The following KCNU1 variants were observed in gnomAD, a reference collection of about 807,000 sequenced individuals.
The protein encoded by KCNU1 is potassium channel subfamily U member 1.
A neutral mutation model predicts 126.8 loss-of-function variants in KCNU1; 93 were observed. The observed-to-expected ratio is 0.73, with a 90% CI of 0.62 to 0.87. The LOEUF is 0.87. Ranked by LOEUF, KCNU1 falls within the 40% of genes least tolerant of loss-of-function variation. The probability of loss-of-function intolerance (pLI) is 0.00; values close to 1 mark genes in which losing one functional copy is unlikely to be tolerated. For missense variants in KCNU1, 1,330 were observed against 1,367.1 expected (o/e 0.97, Z 0.43); for synonymous variants, 523 against 494.2 (o/e 1.06, Z -0.77).
intron 10 of KCNU1, 130 bp from the exon 11 acceptor site, chr8:36,833,424 A>T (rs1585431350): frequency 2.0e-6 from 1 of 503,042 alleles, no homozygotes; most frequent in African/African-American, 1.9e-5. Flanking sequence ...AAATAGTATT[A>T]ACTTGATTTG....
chr8:36,816,193 C>G (rs1253828303), intron 9 of KCNU1, among the ~76,000 whole-genome samples: 3 of 152,176 alleles, frequency 2.0e-5, no homozygotes, highest in African/African-American at 7.2e-5. Context: ...AGTTTCTACC[C>G]TGTCTTCTAT....
chr8:36,806,005 A>C (rs573082471), intron 4 of KCNU1, among the ~76,000 whole-genome samples: 1 of 152,096 alleles, frequency 6.6e-6, no homozygotes, highest in Non-Finnish European at 1.5e-5. Context: ...AACCACGTGC[A>C]GCTAATCTTT....
At chr8:36,899,387 A>T (rs1263357577) in intron 19 of KCNU1, among the ~76,000 whole-genome samples, 1 of 152,110 alleles carries the variant, frequency 6.6e-6, no homozygotes, top group Non-Finnish European at 1.5e-5. Flanking sequence ...TTTAAAGGCA[A>T]ACAGAACACT....
At chr8:36,829,051 A>G (rs1349450261) in intron 10 of KCNU1, among the ~76,000 whole-genome samples, 1 of 152,112 alleles carries the variant, frequency 6.6e-6, no homozygotes, top group African/African-American at 2.4e-5. Flanking sequence ...CTAGGCACAC[A>G]TCTTTTCTCT....
chr8:36,868,600 C>T (rs552095404), intron 19 of KCNU1, among the ~76,000 whole-genome samples: 1 of 152,050 alleles, frequency 6.6e-6, no homozygotes, highest in East Asian at 1.9e-4. Flanking sequence ...TTACAGACAG[C>T]CCTAACTTAT....
At chr8:36,846,326 C>G (rs78976242) in intron 18 of KCNU1, among the ~76,000 whole-genome samples, 2,515 of 152,298 alleles carry the variant, frequency 0.017, 61 homozygotes, top group African/African-American at 0.057. Context: ...CTTAAGTACT[C>G]TGTTTCCTTA....
intron 18 of KCNU1, among the ~76,000 whole-genome samples, chr8:36,849,860 T>A (rs1430573636): frequency 1.1e-4 from 16 of 152,174 alleles, no homozygotes; most frequent in Admixed American, 1.0e-3. Context: ...AATTGCTAAA[T>A]CAAATGCAAA....
rs528443589 is a variant in KCNU1, at chr8:36,817,714, C to A, written c.1060C>A (p.Arg354Ser). ...GACCGCTTTCCTGAGGAATTTCCTC[C>A]GCGACAAGTCAGGAGAGATCAACAC... The part of the protein sequence containing the change: ...SVTAFLRNFL[R>S]DKSGEINTEI... The change falls in exon 10 of 27, where the codon CGC becomes AGC. Residue 354 changes from arginine to serine, a missense_variant. Transcript: ENST00000399881. 2 of 1,608,942 alleles carry A rather than the reference C, an allele frequency of 1.2e-6. No individual in the cohort carries two copies. The highest frequency in any genetic ancestry group is 1.7e-6 in the Non-Finnish European group (2 of 1,177,324).
At chr8:36,884,671 G>T (rs1281053236) in intron 19 of KCNU1, among the ~76,000 whole-genome samples, 1 of 152,120 alleles carries the variant, frequency 6.6e-6, no homozygotes, top group Non-Finnish European at 1.5e-5. Flanking sequence ...AGGAGGTGGA[G>T]GTTGCAGTGA....
chr8:36,850,342 A>G (rs937558463), intron 18 of KCNU1, among the ~76,000 whole-genome samples: 1 of 151,942 alleles, frequency 6.6e-6, no homozygotes, highest in African/African-American at 2.4e-5. Context: ...TTATTTTGTC[A>G]CTTGTGCTTT....
chr8:36,831,515 G>A (rs1253146614), intron 10 of KCNU1, among the ~76,000 whole-genome samples: 28 of 152,058 alleles, frequency 1.8e-4, no homozygotes, highest in African/African-American at 6.3e-4. Flanking sequence ...GCCAGTGATG[G>A]TGAGCATTTT....
chr8:36,880,713 C>T lies in KCNU1; in HGVS notation c.2009+16192C>T, dbSNP rs569355272. 1.4e-4 allele frequency among the ~76,000 whole-genome samples: 22 copies of T among 152,288 alleles called. No homozygotes were observed. The South Asian group carries it at 3.3e-3, about 23-fold the overall frequency. Reference sequence around the variant, plus strand: ...CAAGAGATGAGGTGGCTGTATCTGGCACCAGCAGCCAAAAACTGCAGTTTT... The same window carrying T: ...CAAGAGATGAGGTGGCTGTATCTGGTACCAGCAGCCAAAAACTGCAGTTTT... On this transcript the variant is annotated intron_variant, in intron 19 of 26. Coordinates refer to ENST00000399881, the MANE Select transcript of KCNU1 (RefSeq NM_001031836.3).
chr8:36,866,904 C>T (rs373314399), intron 19 of KCNU1, among the ~76,000 whole-genome samples: 6 of 152,196 alleles, frequency 3.9e-5, no homozygotes, highest in East Asian at 1.9e-4. Flanking sequence ...AGGGTTCACC[C>T]GTGAGGTGAT....
rs1027067493 is a variant in KCNU1 at position 36,817,687 on chromosome 8, G to A, written c.1033G>A (p.Val345Met). Residue 345 changes from valine to methionine, a missense_variant, in exon 10 of 27, where the codon GTG (valine) becomes ATG (methionine). Transcript: ENST00000399881. ...CTGTGGAAACATCACTGTGGACAGT[G>A]TGACCGCTTTCCTGAGGAATTTCCT... ...VVCGNITVDSVTAFLRNFLRD... is the reference protein window; with the variant it reads ...VVCGNITVDSMTAFLRNFLRD... The A allele has an allele frequency of 6.2e-7, 1 of 1,612,944 alleles. No individual in the cohort carries two copies. Among genetic ancestry groups the A allele is most frequent in the Non-Finnish European group, 8.5e-7 (1 of 1,179,076 alleles).
chr8:36,828,827 C>T (rs1340737858), intron 10 of KCNU1, among the ~76,000 whole-genome samples: 1 of 151,946 alleles, frequency 6.6e-6, no homozygotes, highest in African/African-American at 2.4e-5. Context: ...ATTTTTAGGC[C>T]ATTAGTCATT....
intron 16 of KCNU1, 41 bp from the exon 17 acceptor site, chr8:36,845,539 T>C (rs1364195966): frequency 1.7e-6 from 2 of 1,210,658 alleles, no homozygotes; most frequent in African/African-American, 3.0e-5. Context: ...GCCACTGAAA[T>C]CAGAGGGAAA....
chr8:36,892,430 T>C (rs1192021221), intron 19 of KCNU1, among the ~76,000 whole-genome samples: 1 of 152,022 alleles, frequency 6.6e-6, no homozygotes, highest in African/African-American at 2.4e-5. Flanking sequence ...ATAATGGCTC[T>C]TATAAAATCT....
At chr8:36,810,292 T>G (rs1367650377) in intron 7 of KCNU1, among the ~76,000 whole-genome samples, 1 of 151,858 alleles carries the variant, frequency 6.6e-6, no homozygotes, top group African/African-American at 2.4e-5. Context: ...CTTCTCCCTA[T>G]GTACAGCAGG....
intron 22 of KCNU1, among the ~76,000 whole-genome samples, chr8:36,913,050 T>A (rs1006002726): frequency 4.0e-5 from 6 of 149,838 alleles, no homozygotes. Flanking sequence ...ACACCATAAG[T>A]CATTTAGTTG....
Sources: allele counts gnomAD v4.1 joint callset (sites outside exome capture counted in the v4.1 genomes callset), GRCh38; gene constraint gnomAD v4.1.1; transcripts MANE v1.5; gene names NCBI Gene and HGNC (gene_info 2026-07-23, HGNC 2026-07-21).